Variants in ZNF536 observed in about 807,000 individuals in gnomAD.
The protein encoded by ZNF536 is zinc finger protein 536.
Under a neutral mutation model 84.5 loss-of-function variants are expected in ZNF536, and 13 were observed. That is an observed-to-expected ratio of 0.15 (90% CI 0.10 to 0.24). The LOEUF is 0.24. Ranked by LOEUF, ZNF536 falls within the 10% of genes least tolerant of loss-of-function variation. The pLI is 1.00. For synonymous variants in ZNF536, 811 were observed against 742.5 expected (o/e 1.09, Z -1.50); for missense variants, 1,536 against 1,747.5 (o/e 0.88, Z 2.16).
At chr19:30,354,402 C>G (rs1466483565) in intron 3 of ZNF536, among the ~76,000 whole-genome samples, 2 of 152,182 alleles carry the variant, frequency 1.3e-5, no homozygotes, top group Non-Finnish European at 2.9e-5. Flanking sequence ...GGGTCTTGCT[C>G]TGTCACCCAG....
chr19:30,677,729 G>A (rs767968711), intron 1 of ZNF536, among the ~76,000 whole-genome samples: 6 of 152,328 alleles, frequency 3.9e-5, no homozygotes, highest in Non-Finnish European at 7.3e-5. Context: ...TGCGATTTTT[G>A]TCTTTCCTGG....
intron 3 of ZNF536, among the ~76,000 whole-genome samples, chr19:30,545,617 T>C (rs1279352130): frequency 6.6e-6 from 1 of 152,032 alleles, no homozygotes; most frequent in Non-Finnish European, 1.5e-5. Context: ...CAGGATGGTC[T>C]CGATCTCCTG....
chr19:30,653,382 G>A (rs2049782916), intron 1 of ZNF536, among the ~76,000 whole-genome samples: 1 of 152,154 alleles, frequency 6.6e-6, no homozygotes. Flanking sequence ...AGGTTAGGTG[G>A]GGCCCTCTGA....
At chr19:30,275,635 C>T (rs2026085281) in intron 1 of ZNF536, among the ~76,000 whole-genome samples, 1 of 152,168 alleles carries the variant, frequency 6.6e-6, no homozygotes, top group African/African-American at 2.4e-5. Context: ...CTCTTAACCT[C>T]AGACACAGAA....
chr19:30,675,693 G>C (rs2050729089), intron 1 of ZNF536, among the ~76,000 whole-genome samples: 1 of 152,116 alleles, frequency 6.6e-6, no homozygotes. Flanking sequence ...TGATTTCTCT[G>C]TCTCCTGGCG....
chr19:30,416,730 C>T lies in ZNF536; in HGVS notation c.-2-26831C>T, dbSNP rs79666288. 8.5e-5 allele frequency among the ~76,000 whole-genome samples: 13 copies of T among 152,260 alleles called. No individual in the cohort carries two copies. The East Asian group carries it at 2.5e-3, about 29-fold the overall frequency. On this transcript the variant is annotated intron_variant, in intron 1 of 4. Coordinates refer to ENST00000355537, the MANE Select transcript of ZNF536 (RefSeq NM_014717.3). ...ACCACGTTGATGAGGCAACTTTAAACTCTCTCCTGTGTCTTTCCAGGTCCC... is the reference window on the plus strand; with the variant it reads ...ACCACGTTGATGAGGCAACTTTAAATTCTCTCCTGTGTCTTTCCAGGTCCC...
chr19:30,609,915 C>CATCT (rs1555812001), intron 1 of ZNF536, among the ~76,000 whole-genome samples: 1 of 113,864 alleles, frequency 8.8e-6, no homozygotes, highest in Non-Finnish European at 2.0e-5. Context: ...TCCATCCATC[C>CATCT]ATCCATCCAT....
chr19:30,688,436 T>C (rs1449792371), intron 1 of ZNF536, among the ~76,000 whole-genome samples: 1 of 152,212 alleles, frequency 6.6e-6, no homozygotes, highest in Non-Finnish European at 1.5e-5. Context: ...AGATGCACTT[T>C]CTCCAAATTT....
chr19:30,266,499 G>T (rs2025521851), intron 1 of ZNF536, among the ~76,000 whole-genome samples: 1 of 152,066 alleles, frequency 6.6e-6, no homozygotes, highest in Non-Finnish European at 1.5e-5. Context: ...TTATTCATTG[G>T]TGTTCTCGTC....
At chr19:30,544,703 C>A (rs879617024) in intron 3 of ZNF536, among the ~76,000 whole-genome samples, 11 of 151,980 alleles carry the variant, frequency 7.2e-5, no homozygotes, top group Non-Finnish European at 1.0e-4. Flanking sequence ...TTCACTCCAT[C>A]AAAAAAATGT....
chr19:30,357,776 CA>C (rs2048146240), intron 3 of ZNF536, among the ~76,000 whole-genome samples: 1 of 152,152 alleles, frequency 6.6e-6, no homozygotes, highest in African/African-American at 2.4e-5. Flanking sequence ...GGGAGAGTGA[CA>C]GGCAGAGGGC....
chr19:30,630,936 C>T (rs1239312835), intron 1 of ZNF536, among the ~76,000 whole-genome samples: 2 of 152,238 alleles, frequency 1.3e-5, no homozygotes, highest in Non-Finnish European at 2.9e-5. Flanking sequence ...GAGAAGAAAT[C>T]CTAAAAAATT....
intron 1 of ZNF536, among the ~76,000 whole-genome samples, chr19:30,699,429 T>G (rs762922925): frequency 3.9e-4 from 59 of 152,192 alleles, no homozygotes; most frequent in Non-Finnish European, 4.9e-4. Context: ...CATTTTTTTT[T>G]GGGTAGCCTT....
chr19:30,398,725 G>A lies in ZNF536; in HGVS notation c.-3+26169G>A, dbSNP rs563923712. Among the ~76,000 whole-genome samples the A allele has an allele frequency of 3.9e-5, 6 of 152,100 alleles. No homozygotes were observed. In the South Asian group the frequency reaches 1.2e-3, roughly 32 times the overall value. On this transcript the variant is annotated intron_variant, in intron 1 of 4. Transcript: ENST00000355537. The stretch of plus-strand genomic sequence containing the variant: ...CCCTGCAAAGGACATGATCATCCAT[G>A]TCCCTGCAAAGGACATGAAATTATC...
chr19:30,492,680 A>T (rs2054556290), intron 2 of ZNF536, among the ~76,000 whole-genome samples: 1 of 152,236 alleles, frequency 6.6e-6, no homozygotes, highest in African/African-American at 2.4e-5. Flanking sequence ...CTGTTCCTGT[A>T]CTCACAATAG....
chr19:30,474,711 G>T (rs549338918), intron 2 of ZNF536, among the ~76,000 whole-genome samples: 1 of 152,182 alleles, frequency 6.6e-6, no homozygotes, highest in Admixed American at 6.5e-5. Flanking sequence ...TACAGGAGCA[G>T]ATCATTTTTT....
At chr19:30,232,431 G>C (rs1599818471) in intron 1 of ZNF536, among the ~76,000 whole-genome samples, 2 of 6,340 alleles carry the variant, frequency 3.2e-4, no homozygotes, top group East Asian at 4.9e-3. Flanking sequence ...CTTCTGCCCC[G>C]CCTTTCTCCC....
chr19:30,437,703 G>T (rs138280511), intron 1 of ZNF536, among the ~76,000 whole-genome samples: 240 of 152,124 alleles, frequency 1.6e-3, no homozygotes, highest in African/African-American at 5.3e-3. Flanking sequence ...GGTCAGGACT[G>T]GGGGGGAATG....
chr19:30,446,471 A>G (rs1315990390), intron 2 of ZNF536, among the ~76,000 whole-genome samples: 3 of 151,908 alleles, frequency 2.0e-5, no homozygotes, highest in Non-Finnish European at 4.4e-5. Flanking sequence ...GTAAGTTCCA[A>G]ACTTCACCAT....
Sources: gnomAD v4.1 joint callset for allele counts (sites outside exome capture counted in the v4.1 genomes callset) on GRCh38, gnomAD v4.1.1 for gene constraint, MANE v1.5 for transcripts, NCBI Gene and HGNC (gene_info 2026-07-23, HGNC 2026-07-21) for gene names.